Variants in POLN observed in about 807,000 individuals in gnomAD.
POLN encodes DNA polymerase N.
Under a neutral mutation model 113.5 loss-of-function variants are expected in POLN, and 108 were observed. That is an observed-to-expected ratio of 0.95 (90% CI 0.81 to 1.12). POLN has a LOEUF of 1.12. Ranked by LOEUF, POLN falls within the 50% of genes most tolerant of loss-of-function variation. The pLI, the probability that POLN is intolerant of heterozygous loss-of-function variation, is 0.00. For synonymous variants in POLN, 386 were observed against 391.5 expected (o/e 0.99, Z 0.17); for missense variants, 1,097 against 1,077.1 (o/e 1.02, Z -0.26).
intron 4 of POLN, among the ~76,000 whole-genome samples, chr4:2,211,301 G>A (rs993929377): frequency 6.9e-6 from 1 of 143,896 alleles, no homozygotes; most frequent in African/African-American, 2.5e-5. Context: ...ATAATAATAA[G>A]AGGATTGTGG....
intron 2 of POLN, chr4:2,238,910 T>G: frequency 1.9e-6 from 3 of 1,612,900 alleles, no homozygotes; most frequent in Non-Finnish European, 2.5e-6. Flanking sequence ...CACTGGCATA[T>G]TCAATAACTG....
intron 16 of POLN, among the ~76,000 whole-genome samples, chr4:2,132,611 C>CTT (rs960870886): frequency 9.5e-4 from 144 of 152,336 alleles, no homozygotes; most frequent in African/African-American, 3.0e-3. Context: ...TAAAATGACA[C>CTT]TTTTCATGCT....
chr4:2,156,708 G>C, intron 16 of POLN, 80 bp downstream of exon 16: 4 of 1,122,660 alleles, frequency 3.6e-6, no homozygotes, highest in Non-Finnish European at 5.4e-6. Context: ...AAGTGCACAG[G>C]CAAACACATA....
chr4:2,109,156 A>C (rs1169007997), intron 19 of POLN, among the ~76,000 whole-genome samples: 1 of 152,282 alleles, frequency 6.6e-6, no homozygotes, highest in Non-Finnish European at 1.5e-5. Context: ...AAGATTAAGC[A>C]ATATCATTTA....
chr4:2,234,260 G>A (rs1279657927), intron 2 of POLN: 2 of 152,288 alleles, frequency 1.3e-5, no homozygotes, highest in Non-Finnish European at 2.9e-5. Flanking sequence ...CATGGCAGAA[G>A]ACATGAAGGT....
intron 17 of POLN, 94 bp from the exon 18 acceptor site, chr4:2,129,350 G>A (rs1054754605): frequency 1.6e-5 from 13 of 788,668 alleles, no homozygotes; most frequent in Non-Finnish European, 2.7e-5. Context: ...TTATTCTGAA[G>A]TCCAGAGTTA....
At chr4:2,103,732 G>A (rs540785114) in intron 19 of POLN, among the ~76,000 whole-genome samples, 1 of 152,130 alleles carries the variant, frequency 6.6e-6, no homozygotes, top group Non-Finnish European at 1.5e-5. Flanking sequence ...ATCTATAAAG[G>A]AAACCCCATT....
In POLN at chr4:2,126,301, T is replaced by C. The variant is rs1039410879; in HGVS notation, c.1982+1812A>G. On this transcript the variant is annotated intron_variant, in intron 19 of 25. Transcript: ENST00000511885. This position sits in a 1 kb window ranked among gnomAD's most constrained non-coding sequence, Gnocchi z 4.6. Reference sequence around the variant, plus strand: ...TTCTCAATCCTCTGCTCCCCGTATATAAAATATTTCTTCCTGAATTTTGTC... The same window carrying C: ...TTCTCAATCCTCTGCTCCCCGTATACAAAATATTTCTTCCTGAATTTTGTC... 2.6e-5 allele frequency among the ~76,000 whole-genome samples: 4 copies of C among 152,246 alleles called. No homozygotes were observed. Among genetic ancestry groups the C allele is most frequent in the Admixed American group, 6.5e-5 (1 of 15,286 alleles).
At chr4:2,117,377 T>A (rs1431277878) in intron 19 of POLN, among the ~76,000 whole-genome samples, 1 of 152,214 alleles carries the variant, frequency 6.6e-6, no homozygotes. Context: ...TGATTACAAA[T>A]ATTTGCTTTT....
intron 21 of POLN, chr4:2,082,620 G>A (rs1297377284): frequency 1.3e-5 from 2 of 152,220 alleles, no homozygotes; most frequent in Non-Finnish European, 2.9e-5. Flanking sequence ...TGTGACTGAG[G>A]ATGAGAAGAA....
In POLN at chr4:2,072,978, A is replaced by G. The variant is rs1730187436; in HGVS notation, c.2507T>C (p.Leu836Pro). The G allele has an allele frequency of 2.5e-6, 4 of 1,613,274 alleles. No homozygotes were observed. In the African/African-American group the frequency reaches 5.3e-5, roughly 22 times the overall value. ...TAAGTGTCCCCTCACCTGAAGCTGCAGCTCCAATGCCTGCACCTGTTCCAA... is the reference window on the plus strand; with the variant it reads ...TAAGTGTCCCCTCACCTGAAGCTGCGGCTCCAATGCCTGCACCTGTTCCAA... ...ESLEQVQALE[L>P]QLQVPLKVSL... The change falls in exon 25 of 26, where the codon CTG (leucine) becomes CCG (proline). Residue 836 changes from leucine (L) to proline (P), a missense_variant. Transcript: ENST00000511885.
rs35399602 is a variant in POLN at position 2,201,277 on chromosome 4, C to CAAAAA, written c.715-2565_715-2561dup. On this transcript the variant is annotated intron_variant, in intron 5 of 25. Transcript: ENST00000511885. ...GTGAGACTCTGTCCCCCTACCACTC[C>CAAAAA]AAAAAAAAAAAAAAAAAAAAAAAAA... 5.2e-3 allele frequency among the ~76,000 whole-genome samples: 82 copies of CAAAAA among 15,834 alleles called. 35 individuals carry two copies. The highest frequency in any genetic ancestry group is 0.031 in the African/African-American group (65 of 2,076). The allele number at this position is 15,834 out of a possible 152,430, so 10.4% of individuals were successfully genotyped here.
At chr4:2,163,606 G>C (rs969456030) in intron 13 of POLN, among the ~76,000 whole-genome samples, 1 of 152,210 alleles carries the variant, frequency 6.6e-6, no homozygotes, top group African/African-American at 2.4e-5. Flanking sequence ...TCAGTTTCTC[G>C]GAGTTTAACT....
intron 7 of POLN, among the ~76,000 whole-genome samples, chr4:2,191,816 A>C (rs1733448935): frequency 6.6e-6 from 1 of 152,114 alleles, no homozygotes; most frequent in Non-Finnish European, 1.5e-5. Context: ...GCAGTTTGGA[A>C]GTATGGGGAG....
chr4:2,118,916 G>A (rs946642020), intron 19 of POLN, among the ~76,000 whole-genome samples: 1 of 152,172 alleles, frequency 6.6e-6, no homozygotes, highest in Admixed American at 6.5e-5. Context: ...GAGATGAAGA[G>A]GAACCACGTG....
intron 17 of POLN, among the ~76,000 whole-genome samples, chr4:2,131,019 A>G (rs1042731000): frequency 6.6e-5 from 10 of 152,226 alleles, no homozygotes; most frequent in Admixed American, 2.6e-4. Context: ...TCCACAAAAA[A>G]TACACACACA....
At chr4:2,100,883 A>G (rs1193275702) in intron 19 of POLN, among the ~76,000 whole-genome samples, 3 of 152,264 alleles carry the variant, frequency 2.0e-5, no homozygotes, top group African/African-American at 7.2e-5. Flanking sequence ...ACTTCCTATC[A>G]TACACAAAAA....
chr4:2,136,134 G>A (rs990481202), intron 16 of POLN, among the ~76,000 whole-genome samples: 9 of 152,174 alleles, frequency 5.9e-5, no homozygotes, highest in South Asian at 2.1e-4. Flanking sequence ...TCCAGGGGGC[G>A]GAGACCATGC....
intron 23 of POLN, 125 bp downstream of exon 23, chr4:2,080,832 GC>G: frequency 6.4e-7 from 1 of 1,564,622 alleles, no homozygotes; most frequent in Non-Finnish European, 8.6e-7. Flanking sequence ...TGGGCTGAGA[GC>G]CTCAGGAGGG....
Sources: gnomAD v4.1 joint callset for allele counts (sites outside exome capture counted in the v4.1 genomes callset) on GRCh38, gnomAD v4.1.1 for gene constraint, Gnocchi (gnomAD v3.1) non-coding constraint, MANE v1.5 for transcripts, NCBI Gene and HGNC (gene_info 2026-07-23, HGNC 2026-07-21) for gene names.